MYO18B: variants seen among roughly 807,000 people sequenced by gnomAD.
The protein encoded by MYO18B is myosin XVIIIB.
A neutral mutation model predicts 273.0 loss-of-function variants in MYO18B; 204 were observed. The ratio of observed to expected loss-of-function variants is 0.75; its 90% CI spans 0.67 to 0.84. The LOEUF is 0.84. Among genes scored for constraint, MYO18B ranks in the 40% least tolerant of loss-of-function variants. The pLI is 0.00. For synonymous variants in MYO18B, 1,330 were observed against 1,305.7 expected (o/e 1.02, Z -0.40); for missense variants, 3,212 against 3,287.6 (o/e 0.98, Z 0.56).
At chr22:25,986,571 T>C (rs1271740286) in intron 39 of MYO18B, among the ~76,000 whole-genome samples, 5 of 152,242 alleles carry the variant, frequency 3.3e-5, no homozygotes, top group Non-Finnish European at 7.3e-5. Context: ...AAGAAATGTA[T>C]CTAAATATAT....
the MYO18B span, among the ~76,000 whole-genome samples, chr22:26,059,892 G>A: frequency 6.6e-6 from 1 of 152,204 alleles, no homozygotes; most frequent in Non-Finnish European, 1.5e-5. Context: ...ATGGCACTAG[G>A]TTGCAACGTG....
intron 34 of MYO18B, among the ~76,000 whole-genome samples, chr22:25,932,385 C>A (rs979615546): frequency 7.4e-6 from 1 of 135,954 alleles, no homozygotes; most frequent in East Asian, 2.0e-4. Flanking sequence ...TTTCTCTTTT[C>A]TTTTCTTTTC....
At chr22:25,871,787 AAAAAAC>A (rs1156600059) in intron 22 of MYO18B, among the ~76,000 whole-genome samples, 4 of 137,492 alleles carry the variant, frequency 2.9e-5, no homozygotes, top group African/African-American at 5.4e-5. Context: ...TAAAAGGCAA[AAAAAAC>A]AAAAAACAAA....
At chr22:25,823,817 A>G (rs1190633600) in intron 13 of MYO18B, 139 bp downstream of exon 13, 5 of 897,610 alleles carry the variant, frequency 5.6e-6, no homozygotes, top group African/African-American at 5.0e-5. Flanking sequence ...ATGCAGGGGA[A>G]GCCATCGTGG....
intron 1 of MYO18B, among the ~76,000 whole-genome samples, chr22:25,745,090 C>A (rs1284342506): frequency 6.6e-6 from 1 of 152,148 alleles, no homozygotes; most frequent in Non-Finnish European, 1.5e-5. Context: ...TGAATGGGGG[C>A]AGCAAAAATA....
At chr22:26,042,602 G>C in the MYO18B span, among the ~76,000 whole-genome samples, 1 of 152,196 alleles carries the variant, frequency 6.6e-6, no homozygotes, top group African/African-American at 2.4e-5. Flanking sequence ...GCCCCCGTTT[G>C]TCCAGCAAAC....
At chr22:25,786,672 A>T (rs1173754832) in intron 11 of MYO18B, among the ~76,000 whole-genome samples, 1 of 152,212 alleles carries the variant, frequency 6.6e-6, no homozygotes, top group East Asian at 1.9e-4. Context: ...TCCATAAGAG[A>T]ACAAATTAAC....
At chr22:25,894,759 G>T (rs36000366) in intron 27 of MYO18B, 2 of 157,142 alleles carry the variant, frequency 1.3e-5, no homozygotes, top group Admixed American at 6.3e-5. Flanking sequence ...ACATGTAGGG[G>T]AATCTGCTTG....
At chr22:25,925,246 A>T (rs947399227) in intron 34 of MYO18B, among the ~76,000 whole-genome samples, 13 of 144,268 alleles carry the variant, frequency 9.0e-5, no homozygotes, top group South Asian at 4.4e-4. Context: ...ACCCCATTTT[A>T]AAAAAATCAA....
chr22:26,037,079 C>T, the MYO18B span, among the ~76,000 whole-genome samples: 1 of 109,832 alleles, frequency 9.1e-6, no homozygotes, highest in South Asian at 2.8e-4. Flanking sequence ...ATAAGGTCAG[C>T]TGGCTGAACG....
rs369855506 is a variant in MYO18B at position 25,876,244 on chromosome 22, T to A, written c.4136T>A (p.Val1379Asp). Residue 1379 changes from valine to aspartate, a missense_variant, in exon 24 of 44, where the codon GTC becomes GAC. By Grantham distance (152) the Val-to-Asp change is radical. Transcript: ENST00000335473. ...IQKNVAVFLA[V>D]KDWPWWQLLG... ...AAGAATGTGGCTGTGTTCCTCGCAG[T>A]CAAGGACTGGCCATGGTGGCAGCTG... 1.1e-5 allele frequency: 17 copies of A among 1,613,604 alleles called. No individual in the cohort carries two copies. The African/African-American group carries it at 1.7e-4, about 16-fold the overall frequency.
chr22:26,020,120 C>A (rs978415303), intron 42 of MYO18B, among the ~76,000 whole-genome samples: 1 of 152,134 alleles, frequency 6.6e-6, no homozygotes, highest in Non-Finnish European at 1.5e-5. Context: ...AATGTTTTCT[C>A]ACCACTGAGC....
Position 25,768,368 on chromosome 22 carries a change from G to A in MYO18B, c.452G>A (p.Gly151Asp), listed in dbSNP as rs753459707. ...TVPFKRGVRR[G>D]DVLLMVAKLD... ...CCCTTCAAGAGGGGCGTGAGGAGGG[G>A]TGATGTGTTGTTGATGGTGGCCAAG... Residue 151 changes from glycine to aspartate, a missense_variant, in exon 4 of 44, where the codon GGT becomes GAT. Coordinates refer to ENST00000335473, the MANE Select transcript of MYO18B (RefSeq NM_032608.7). 7.4e-6 allele frequency: 12 copies of A among 1,613,746 alleles called. No homozygotes were observed. The highest frequency in any genetic ancestry group is 1.1e-5 in the South Asian group (1 of 91,028).
At chr22:25,866,152 C>T (rs950711657) in intron 21 of MYO18B, among the ~76,000 whole-genome samples, 4 of 152,016 alleles carry the variant, frequency 2.6e-5, no homozygotes, top group Non-Finnish European at 4.4e-5. Context: ...CTAAATTACT[C>T]CAGCCTCATA....
intron 6 of MYO18B, 65 bp from the exon 7 acceptor site, chr22:25,772,269 T>TGG: frequency 8.3e-7 from 1 of 1,202,146 alleles, no homozygotes; most frequent in South Asian, 1.4e-5. Flanking sequence ...TGCGGGGGGG[T>TGG]GGGGTGGGGG....
At position 25,921,320 on chromosome 22, in the gene MYO18B, C is replaced by T. The variant is rs749429924; in HGVS notation, c.5428C>T (p.Leu1810=). 6 of 1,570,626 alleles carry T rather than the reference C, an allele frequency of 3.8e-6. No individual in the cohort carries two copies. Among genetic ancestry groups the T allele is most frequent in the South Asian group, 2.3e-5 (2 of 85,118 alleles). The change falls in exon 34 of 44, where the codon CTG becomes TTG. Residue 1810 remains leucine, a synonymous_variant. Transcript: ENST00000335473. The part of the protein sequence containing the change: ...LRRDLRRTHA[L]LSDVQLLLGT... ...GAGAGACCTCAGGAGGACACATGCA[C>T]TGTTGTCAGACGTGCAGCTCCTTCT... is the stretch of plus-strand genomic sequence containing the variant.
At chr22:25,773,664 C>T (rs149988396) in intron 7 of MYO18B, among the ~76,000 whole-genome samples, 2,232 of 152,204 alleles carry the variant, frequency 0.015, 48 homozygotes, top group African/African-American at 0.05. Flanking sequence ...GGGGTTTCAC[C>T]GTGTTAGCCA....
At chr22:25,909,399 C>T (rs1270880952) in intron 32 of MYO18B, among the ~76,000 whole-genome samples, 1 of 152,164 alleles carries the variant, frequency 6.6e-6, no homozygotes, top group African/African-American at 2.4e-5. Flanking sequence ...AGTCTTTATT[C>T]TAAAAACAGA....
At chr22:25,996,637 T>C (rs1027103435) in intron 40 of MYO18B, among the ~76,000 whole-genome samples, 1 of 151,986 alleles carries the variant, frequency 6.6e-6, no homozygotes, top group Non-Finnish European at 1.5e-5. Context: ...GAGAATACAA[T>C]TGGAGTTACG....
Sources: allele counts gnomAD v4.1 joint callset (sites outside exome capture counted in the v4.1 genomes callset), GRCh38; gene constraint gnomAD v4.1.1; transcripts MANE v1.5; gene names NCBI Gene and HGNC (gene_info 2026-07-23, HGNC 2026-07-21).